The following GNAO1 variants were observed in gnomAD, a reference collection of about 807,000 sequenced individuals.
The protein encoded by GNAO1 is G protein subunit alpha o1.
For synonymous variants in GNAO1, 164 were observed against 180.7 expected, an observed-to-expected ratio of 0.91 and a Z score of 0.74; for missense variants, 166 against 478.7, an observed-to-expected ratio of 0.35 and a Z score of 6.10.
At chr16:56,236,945 G>T (rs548789862) in intron 2 of GNAO1, among the ~76,000 whole-genome samples, 4 of 152,206 alleles carry the variant, frequency 2.6e-5, no homozygotes, top group Non-Finnish European at 5.9e-5. Flanking sequence ...ATCACTTATT[G>T]CTGGGTGATC....
intron 2 of GNAO1, among the ~76,000 whole-genome samples, chr16:56,247,374 TCTCCA>T (rs764907503): frequency 3.9e-4 from 59 of 152,308 alleles, no homozygotes; most frequent in Admixed American, 5.9e-4. Flanking sequence ...GTACCCAATT[TCTCCA>T]CTCAGCTGTA....
intron 2 of GNAO1, among the ~76,000 whole-genome samples, chr16:56,275,172 G>A (rs934657687): frequency 6.6e-6 from 1 of 152,214 alleles, no homozygotes; most frequent in Non-Finnish European, 1.5e-5. Flanking sequence ...TGCTCTTTCT[G>A]GATTACTTTA....
At chr16:56,332,452 C>A (rs1297401983) in intron 4 of GNAO1, among the ~76,000 whole-genome samples, 1 of 152,238 alleles carries the variant, frequency 6.6e-6, no homozygotes, top group African/African-American at 2.4e-5. Flanking sequence ...CAGCCCCCAG[C>A]AGCTCTCCCC....
chr16:56,279,413 G>A (rs1233893526), intron 3 of GNAO1, among the ~76,000 whole-genome samples: 1 of 152,146 alleles, frequency 6.6e-6, no homozygotes, highest in Non-Finnish European at 1.5e-5. Flanking sequence ...ATCCGTCTGT[G>A]GTTTCCACAC....
In GNAO1 at chr16:56,191,816, G is replaced by A. The variant is rs1267335180; in HGVS notation, c.-420G>A. The stretch of plus-strand genomic sequence containing the variant: ...GCCGCCTCCTCCTCCTCCGGCAGCC[G>A]CGGCAGCAGGACCCACCCTGCCCCC... On this transcript the variant is annotated 5_prime_UTR_variant, in exon 1 of 9. Transcript: ENST00000262493. This position sits in a 1 kb window ranked among gnomAD's most constrained non-coding sequence, Gnocchi z 4.7. 1 of 211,762 alleles carries A rather than the reference G, an allele frequency of 4.7e-6. No homozygotes were observed. Among genetic ancestry groups the A allele is most frequent in the Non-Finnish European group, 9.3e-6 (1 of 107,382 alleles). 13.1% of individuals were successfully genotyped at this position (211,762 alleles called of 1,614,324 possible). A position where few individuals can be genotyped will look rare whatever the true frequency, so the allele number is the denominator to read the frequency against.
intron 2 of GNAO1, among the ~76,000 whole-genome samples, chr16:56,218,889 A>G (rs1006144280): frequency 1.3e-5 from 2 of 152,162 alleles, no homozygotes; most frequent in South Asian, 2.1e-4. Context: ...TGGTGTTTCA[A>G]TTGCACATTG....
At position 56,326,156 on chromosome 16, in the gene GNAO1, G is replaced by A. The variant is rs1022427933; in HGVS notation, c.304-2475G>A. On this transcript the variant is annotated intron_variant, in intron 3 of 8. Transcript: ENST00000262493. The surrounding 1 kb of genome is among the most constrained non-coding windows in gnomAD (Gnocchi z 4.8). ...GTTCCCAGCCATGCCTCTTCCTGTC[G>A]CTGGGACATCTCGCAGTGCCACTCT... is the stretch of plus-strand genomic sequence containing the variant. 5.3e-5 allele frequency among the ~76,000 whole-genome samples: 8 copies of A among 152,174 alleles called. No individual in the cohort carries two copies. The highest frequency in any genetic ancestry group is 2.0e-4 in the Admixed American group (3 of 15,282).
intron 2 of GNAO1, among the ~76,000 whole-genome samples, chr16:56,227,291 T>TG (rs2036540688): frequency 6.6e-6 from 1 of 152,186 alleles, no homozygotes; most frequent in Admixed American, 6.5e-5. Flanking sequence ...ACGTGACACT[T>TG]GCTTGGCTCA....
chr16:56,208,519 AT>A (rs1332556581), intron 2 of GNAO1, among the ~76,000 whole-genome samples: 2 of 151,986 alleles, frequency 1.3e-5, no homozygotes, highest in Non-Finnish European at 1.5e-5. Context: ...TTGAAGAGGA[AT>A]TGCTGGGAAT....
chr16:56,267,421 G>A (rs531055478), intron 2 of GNAO1, among the ~76,000 whole-genome samples: 9 of 152,194 alleles, frequency 5.9e-5, no homozygotes, highest in African/African-American at 2.2e-4. Context: ...GGTCCCACCG[G>A]CCAGCACGTG....
At chr16:56,256,089 T>C (rs2036843594) in intron 2 of GNAO1, among the ~76,000 whole-genome samples, 1 of 152,214 alleles carries the variant, frequency 6.6e-6, no homozygotes, top group Non-Finnish European at 1.5e-5. Flanking sequence ...CTTTGAAGCA[T>C]GTTGTGAGTG....
intron 6 of GNAO1, among the ~76,000 whole-genome samples, chr16:56,338,743 C>T (rs1257431252): frequency 1.3e-5 from 2 of 152,242 alleles, no homozygotes; most frequent in Non-Finnish European, 2.9e-5. Context: ...AAGCAAGGGA[C>T]GTCTGGGTGA....
intron 3 of GNAO1, among the ~76,000 whole-genome samples, chr16:56,303,800 G>A (rs1309114804): frequency 6.6e-6 from 1 of 151,694 alleles, no homozygotes; most frequent in Admixed American, 6.6e-5. Context: ...AGTTCTCTCA[G>A]GATAGCCATT....
intron 3 of GNAO1, among the ~76,000 whole-genome samples, chr16:56,289,809 C>T (rs2037212287): frequency 6.6e-6 from 1 of 152,140 alleles, no homozygotes; most frequent in African/African-American, 2.4e-5. Flanking sequence ...ACAAGTGTCC[C>T]ATGGTACCAT....
chr16:56,260,486 A>C (rs2036892883), intron 2 of GNAO1, among the ~76,000 whole-genome samples: 1 of 152,168 alleles, frequency 6.6e-6, no homozygotes, highest in African/African-American at 2.4e-5. Flanking sequence ...ACCATGATGA[A>C]GGCTGAGCAT....
chr16:56,278,771 G>A (rs1455537793), intron 3 of GNAO1, among the ~76,000 whole-genome samples: 1 of 152,124 alleles, frequency 6.6e-6, no homozygotes, highest in Non-Finnish European at 1.5e-5. Flanking sequence ...GGAGGACGAG[G>A]GGACAGAAAG....
At chr16:56,194,356 G>A (rs983960882) in intron 2 of GNAO1, 2 of 437,928 alleles carry the variant, frequency 4.6e-6, no homozygotes, top group Non-Finnish European at 9.3e-6. Flanking sequence ...AATGCAAGCC[G>A]CGCCACCCCT....
chr16:56,284,484 A>G (rs1216991543), intron 3 of GNAO1, among the ~76,000 whole-genome samples: 2 of 152,214 alleles, frequency 1.3e-5, no homozygotes, highest in African/African-American at 4.8e-5. Context: ...GGAAGAACCA[A>G]CCCAAAGGAA....
chr16:56,301,671 G>A (rs976345369), intron 3 of GNAO1: 4 of 151,984 alleles, frequency 2.6e-5, no homozygotes, highest in South Asian at 2.1e-4. Flanking sequence ...AAACCCTGAC[G>A]TGTGCTTGTT....
Sources: gnomAD v4.1 joint callset for allele counts (sites outside exome capture counted in the v4.1 genomes callset) on GRCh38, gnomAD v4.1.1 for gene constraint, Gnocchi (gnomAD v3.1) non-coding constraint, MANE v1.5 for transcripts, NCBI Gene and HGNC (gene_info 2026-07-23, HGNC 2026-07-21) for gene names.